SRD5A2: variants seen among roughly 807,000 people sequenced by gnomAD.
SRD5A2 encodes 3-oxo-5-alpha-steroid 4-dehydrogenase 2.
Under a neutral mutation model 27.4 loss-of-function variants are expected in SRD5A2, and 30 were observed. That is an observed-to-expected ratio of 1.10 (90% CI 0.82 to 1.49). The LOEUF (loss-of-function observed/expected upper bound fraction) is 1.49, where lower values mean the gene tolerates loss of function less well. SRD5A2 is among the 40% of genes most tolerant of loss of function. SRD5A2 has a pLI of 0.00. For synonymous variants in SRD5A2, 141 were observed against 133.6 expected (o/e 1.06, Z -0.38); for missense variants, 348 against 323.4 (o/e 1.08, Z -0.58).
the SRD5A2 span, among the ~76,000 whole-genome samples, chr2:31,653,860 T>C: frequency 9.6e-3 from 1,468 of 152,260 alleles, 19 homozygotes; most frequent in South Asian, 0.049. Flanking sequence ...GGTTTCACCA[T>C]GTTCTCCAGG....
At chr2:31,589,177 A>G in the SRD5A2 span, among the ~76,000 whole-genome samples, 1 of 152,136 alleles carries the variant, frequency 6.6e-6, no homozygotes, top group East Asian at 1.9e-4. Flanking sequence ...GCCAAGCAAA[A>G]CATAAAAGTA....
intron 1 of SRD5A2, among the ~76,000 whole-genome samples, chr2:31,548,291 A>G (rs1435159594): frequency 6.6e-6 from 1 of 152,176 alleles, no homozygotes; most frequent in Admixed American, 6.5e-5. Flanking sequence ...GACACTATTA[A>G]TAGAGGAAAA....
At chr2:31,528,901 G>A (rs1665838644) in intron 4 of SRD5A2, among the ~76,000 whole-genome samples, 1 of 152,202 alleles carries the variant, frequency 6.6e-6, no homozygotes, top group Non-Finnish European at 1.5e-5. Context: ...AATGGAAGCG[G>A]CTTCTTCCGC....
chr2:31,605,904 C>T, the SRD5A2 span, among the ~76,000 whole-genome samples: 2 of 151,778 alleles, frequency 1.3e-5, no homozygotes, highest in Non-Finnish European at 2.9e-5. Context: ...ACCTAAATGT[C>T]CATTAATAGA....
intron 1 of SRD5A2, among the ~76,000 whole-genome samples, chr2:31,543,734 G>A (rs1030875525): frequency 6.6e-5 from 10 of 152,042 alleles, no homozygotes; most frequent in Non-Finnish European, 1.0e-4. Context: ...AATTCCAATG[G>A]TAACTGCAAA....
intron 1 of SRD5A2, among the ~76,000 whole-genome samples, chr2:31,557,874 C>G (rs769128419): frequency 6.6e-6 from 1 of 152,190 alleles, no homozygotes; most frequent in Non-Finnish European, 1.5e-5. Context: ...CTGCTCCAGG[C>G]CTGACACAGG....
At chr2:31,628,482 T>C in the SRD5A2 span, among the ~76,000 whole-genome samples, 1 of 152,172 alleles carries the variant, frequency 6.6e-6, no homozygotes, top group Non-Finnish European at 1.5e-5. Flanking sequence ...TCAAGGTTAG[T>C]ATTGATATGT....
At chr2:31,580,999 C>A, upstream of SRD5A2, 1 of 1,358,020 alleles carries the variant, frequency 7.4e-7, no homozygotes, top group Non-Finnish European at 9.8e-7. Flanking sequence ...TGTCCGCCCC[C>A]TCGGCCTTGG....
intron 1 of SRD5A2, among the ~76,000 whole-genome samples, chr2:31,578,233 T>C (rs899719595): frequency 3.9e-5 from 6 of 152,230 alleles, no homozygotes; most frequent in South Asian, 2.1e-4. Context: ...AAAATGTTTT[T>C]ATAATTTAAA....
intron 1 of SRD5A2, among the ~76,000 whole-genome samples, chr2:31,546,176 C>CT (rs149372195): frequency 0.18 from 26,461 of 149,430 alleles, 3,135 homozygotes; most frequent in African/African-American, 0.35. Flanking sequence ...ATTCCAATGA[C>CT]TTTTTTTTTT....
At chr2:31,589,882 C>T in the SRD5A2 span, among the ~76,000 whole-genome samples, 6 of 152,048 alleles carry the variant, frequency 3.9e-5, no homozygotes, top group Non-Finnish European at 8.8e-5. Context: ...AGATCTCAGC[C>T]CTGCTCAAAG....
chr2:31,654,828 A>G, the SRD5A2 span, among the ~76,000 whole-genome samples: 1 of 152,190 alleles, frequency 6.6e-6, no homozygotes, highest in East Asian at 1.9e-4. Flanking sequence ...GATTAGAGAC[A>G]TGCTAAATCC....
the SRD5A2 span, among the ~76,000 whole-genome samples, chr2:31,621,069 T>G: frequency 2.0e-5 from 3 of 151,492 alleles, no homozygotes; most frequent in East Asian, 1.9e-4. Context: ...CAGATTCATA[T>G]GCATTTTAAA....
the SRD5A2 span, among the ~76,000 whole-genome samples, chr2:31,588,698 T>C: frequency 6.6e-6 from 1 of 152,178 alleles, no homozygotes; most frequent in Non-Finnish European, 1.5e-5. Context: ...TAATAAGTAA[T>C]ATGAAGATAC....
the SRD5A2 span, among the ~76,000 whole-genome samples, chr2:31,609,765 A>G: frequency 3.3e-5 from 5 of 152,146 alleles, no homozygotes; most frequent in Non-Finnish European, 7.4e-5. Context: ...TCATTCTGAA[A>G]ACACTACCAT....
At chr2:31,570,911 TAGAA>T (rs1420257655) in intron 1 of SRD5A2, among the ~76,000 whole-genome samples, 3 of 152,216 alleles carry the variant, frequency 2.0e-5, no homozygotes, top group African/African-American at 7.2e-5. Context: ...TGCTCATGGA[TAGAA>T]AGAATCAATA....
chr2:31,543,444 A>G (rs907999923), intron 1 of SRD5A2, among the ~76,000 whole-genome samples: 1 of 152,208 alleles, frequency 6.6e-6, no homozygotes, highest in Non-Finnish European at 1.5e-5. Context: ...TGTTCTGTAC[A>G]TGATTTAAGA....
the SRD5A2 span, among the ~76,000 whole-genome samples, chr2:31,653,723 G>A: frequency 4.6e-5 from 7 of 151,996 alleles, no homozygotes; most frequent in Non-Finnish European, 1.0e-4. Context: ...GCAACAGTGC[G>A]ATCTCAGCTC....
chr2:31,652,715 G>T, the SRD5A2 span, among the ~76,000 whole-genome samples: 1 of 152,194 alleles, frequency 6.6e-6, no homozygotes, highest in Non-Finnish European at 1.5e-5. Context: ...AAAGACCATG[G>T]AGAATACATC....
Sources: gnomAD v4.1 joint callset for allele counts (sites outside exome capture counted in the v4.1 genomes callset) on GRCh38, gnomAD v4.1.1 for gene constraint, MANE v1.5 for transcripts, NCBI Gene and HGNC (gene_info 2026-07-23, HGNC 2026-07-21) for gene names.